Variants in GPATCH2L observed in about 807,000 individuals in gnomAD.
GPATCH2L encodes G patch domain-containing protein 2-like.
In GPATCH2L, 31 loss-of-function variants were observed where a neutral mutation model predicts 57.4. The ratio of observed to expected loss-of-function variants is 0.54; its 90% CI spans 0.41 to 0.73. GPATCH2L has a LOEUF of 0.73. Among genes scored for constraint, GPATCH2L ranks in the 30% least tolerant of loss-of-function variants. The probability of loss-of-function intolerance (pLI) is 0.00; values close to 1 mark genes in which losing one functional copy is unlikely to be tolerated. For missense variants in GPATCH2L, 481 were observed against 599.9 expected (o/e 0.80, Z 2.07); for synonymous variants, 199 against 210.7 (o/e 0.94, Z 0.48).
chr14:76,232,342 C>T lies in GPATCH2L; in HGVS notation c.*117+2389C>T, dbSNP rs148096880. On this transcript the variant is annotated intron_variant and NMD_transcript_variant, in intron 2 of 3. Coordinates refer to the GPATCH2L transcript ENST00000556372. ...TGAGACAGAGTCTCACTCTGTCTTC[C>T]AGGCTGGAGCGCAATGGCGCCATCT... Among the ~76,000 whole-genome samples the T allele has an allele frequency of 2.1e-3, 320 of 152,284 alleles. 1 individual carries two copies. Among genetic ancestry groups the T allele is most frequent in the Non-Finnish European group, 4.2e-3 (289 of 68,018 alleles).
chr14:76,171,811 T>A, intron 3 of GPATCH2L, 32 bp from the exon 4 acceptor site: 1 of 1,393,942 alleles, frequency 7.2e-7, no homozygotes, highest in Non-Finnish European at 9.7e-7. Flanking sequence ...TTGTTTAAAA[T>A]TCTAGCTTAT....
chr14:76,231,993 C>CAGCCTCACTGA (rs2040568974), intron 2 of GPATCH2L, among the ~76,000 whole-genome samples: 1 of 152,266 alleles, frequency 6.6e-6, no homozygotes, highest in Non-Finnish European at 1.5e-5. Context: ...AGCCTCACTG[C>CAGCCTCACTGA]AGCCTCACTG....
At chr14:76,155,657 A>G (rs919894815) in intron 2 of GPATCH2L, among the ~76,000 whole-genome samples, 1 of 152,242 alleles carries the variant, frequency 6.6e-6, no homozygotes, top group African/African-American at 2.4e-5. Flanking sequence ...TAATGGGTAC[A>G]TGTTTAAAAA....
At chr14:76,228,138 G>A (rs1381453339) in intron 1 of GPATCH2L, among the ~76,000 whole-genome samples, 2 of 152,170 alleles carry the variant, frequency 1.3e-5, no homozygotes, top group African/African-American at 4.8e-5. Flanking sequence ...CAAAGGGTGC[G>A]CATAGCTTTA....
rs377084903 is a variant in GPATCH2L at position 76,169,013 on chromosome 14, G to A, written c.727+2286G>A. Among the ~76,000 whole-genome samples, 18 of 152,324 alleles carry A rather than the reference G, an allele frequency of 1.2e-4. No homozygotes were observed. The South Asian group carries it at 3.7e-3, about 32-fold the overall frequency. On this transcript the variant is annotated intron_variant, in intron 3 of 9. Coordinates refer to ENST00000261530, the MANE Select transcript of GPATCH2L (RefSeq NM_017926.4). ...TCTTTCCCTTGCCACTCCAAGTCTA[G>A]GAATGGTAAGGGCCTCCTGCTGTGC...
chr14:76,216,623 C>A (rs183490930), downstream of GPATCH2L, among the ~76,000 whole-genome samples: 5 of 152,082 alleles, frequency 3.3e-5, no homozygotes, highest in Admixed American at 3.3e-4. Flanking sequence ...GTGTACTCTG[C>A]AGAAAGATTT....
chr14:76,194,670 G>T (rs540645676), intron 8 of GPATCH2L, among the ~76,000 whole-genome samples: 8 of 152,162 alleles, frequency 5.3e-5, no homozygotes, highest in African/African-American at 1.9e-4. Flanking sequence ...GACTACTAAG[G>T]GTCTTAATCC....
chr14:76,203,624 C>G lies in GPATCH2L; in HGVS notation c.*1773C>G, dbSNP rs2040343340. On this transcript the variant is annotated 3_prime_UTR_variant, in exon 10 of 10. Coordinates refer to ENST00000261530, the MANE Select transcript of GPATCH2L (RefSeq NM_017926.4). ...GCATGCCTCTGAGTCACCCCTGGCTCTCATGCAGCAGTGTGTGTGCTTACA... is the reference window on the plus strand; with the variant it reads ...GCATGCCTCTGAGTCACCCCTGGCTGTCATGCAGCAGTGTGTGTGCTTACA... 2 of 152,496 alleles carry G rather than the reference C, an allele frequency of 1.3e-5. No individual in the cohort carries two copies. Among genetic ancestry groups the G allele is most frequent in the South Asian group, 2.1e-4 (1 of 4,824 alleles). The allele number at this position is 152,496 out of a possible 1,614,324, so 9.4% of individuals were successfully genotyped here. A position where few individuals can be genotyped will look rare whatever the true frequency, so the allele number is the denominator to read the frequency against.
chr14:76,163,825 A>G (rs1160939161), intron 2 of GPATCH2L, among the ~76,000 whole-genome samples: 2 of 152,250 alleles, frequency 1.3e-5, no homozygotes, highest in Admixed American at 6.5e-5. Flanking sequence ...AGAGGTGTCT[A>G]GAACAAGTTC....
intron 1 of GPATCH2L, among the ~76,000 whole-genome samples, chr14:76,228,140 A>G (rs1467859492): frequency 6.6e-6 from 1 of 152,224 alleles, no homozygotes; most frequent in Non-Finnish European, 1.5e-5. Flanking sequence ...AAGGGTGCGC[A>G]TAGCTTTAGG....
At chr14:76,162,415 A>G (rs2038633592) in intron 2 of GPATCH2L, among the ~76,000 whole-genome samples, 2 of 152,178 alleles carry the variant, frequency 1.3e-5, no homozygotes, top group South Asian at 4.1e-4. Context: ...ACAGTCTCGT[A>G]TAACCTAATT....
chr14:76,201,498 A>G (rs2040309536), intron 9 of GPATCH2L, among the ~76,000 whole-genome samples, 193 bp from the exon 10 acceptor site: 1 of 152,254 alleles, frequency 6.6e-6, no homozygotes, highest in South Asian at 2.1e-4. Context: ...ATTAGGAAAT[A>G]CTATCTTATT....
chr14:76,181,056 C>T (rs1329474627), intron 8 of GPATCH2L, among the ~76,000 whole-genome samples: 1 of 152,148 alleles, frequency 6.6e-6, no homozygotes, highest in African/African-American at 2.4e-5. Flanking sequence ...GTGATTAAGT[C>T]TCAACTTTGA....
rs2040382527 is a variant in GPATCH2L at position 76,206,880 on chromosome 14, G to T, written c.*5029G>T. 1 of 151,910 alleles carries T rather than the reference G, an allele frequency of 6.6e-6. No homozygotes were observed. Among genetic ancestry groups the T allele is most frequent in the Non-Finnish European group, 1.5e-5 (1 of 67,960 alleles). 9.4% of individuals were successfully genotyped at this position (151,910 alleles called of 1,614,324 possible). On this transcript the variant is annotated 3_prime_UTR_variant, in exon 10 of 10. Coordinates refer to ENST00000261530, the MANE Select transcript of GPATCH2L (RefSeq NM_017926.4). Reference sequence around the variant, plus strand: ...CTCCATAAGTAAAGAGATTTTTTTTGTATAATTCTTTGCAGAAACTGTTAA... The same window carrying T: ...CTCCATAAGTAAAGAGATTTTTTTTTTATAATTCTTTGCAGAAACTGTTAA...
At chr14:76,199,322 CA>C (rs2040246514) in intron 9 of GPATCH2L, among the ~76,000 whole-genome samples, 1 of 151,898 alleles carries the variant, frequency 6.6e-6, no homozygotes, top group South Asian at 2.1e-4. Context: ...TATGTATCTT[CA>C]AGCAATACAT....
chr14:76,195,744 A>G (rs767751795), intron 8 of GPATCH2L, 134 bp from the exon 9 acceptor site: 12 of 690,738 alleles, frequency 1.7e-5, no homozygotes, highest in Non-Finnish European at 2.3e-5. Flanking sequence ...TGTTGTCCCA[A>G]TGCTTAATGG....
At chr14:76,172,839 GTTTGTCATGGTGAATT>G (rs1212655005) in intron 4 of GPATCH2L, among the ~76,000 whole-genome samples, 11 of 152,172 alleles carry the variant, frequency 7.2e-5, no homozygotes. Flanking sequence ...GTGAATTTTT[GTTTGTCATGGTGAATT>G]TTTGTCATGG....
rs755470519 is a variant in GPATCH2L at position 76,180,868 on chromosome 14, C to T, written c.1193+19C>T. The T allele has an allele frequency of 2.2e-5, 32 of 1,462,946 alleles. No individual in the cohort carries two copies. The highest frequency in any genetic ancestry group is 2.8e-5 in the African/African-American group (2 of 72,054). The allele number at this position is 1,462,946 out of a possible 1,614,324, so 90.6% of individuals were successfully genotyped here. A position where few individuals can be genotyped will look rare whatever the true frequency, so the allele number is the denominator to read the frequency against. On this transcript the variant is annotated intron_variant, in intron 8 of 9. Transcript: ENST00000261530. Reference sequence around the variant, plus strand: ...CTGCCAGGTAATTGTCTTTTAGTAGCGGTTATTTGCTTCTGGACAATACTA... The same window carrying T: ...CTGCCAGGTAATTGTCTTTTAGTAGTGGTTATTTGCTTCTGGACAATACTA...
chr14:76,190,769 A>T (rs559269878), intron 8 of GPATCH2L, among the ~76,000 whole-genome samples: 169 of 152,234 alleles, frequency 1.1e-3, no homozygotes, highest in Non-Finnish European at 1.6e-3. Context: ...TTACCCAGGG[A>T]AAAATTTCAA....
Sources: gnomAD v4.1 joint callset for allele counts (sites outside exome capture counted in the v4.1 genomes callset) on GRCh38, gnomAD v4.1.1 for gene constraint, MANE v1.5 for transcripts, NCBI Gene and HGNC (gene_info 2026-07-23, HGNC 2026-07-21) for gene names.